Variants in IQCM observed in about 807,000 individuals in gnomAD.
IQCM encodes IQ domain-containing protein M.
A neutral mutation model predicts 57.6 loss-of-function variants in IQCM; 45 were observed. The observed-to-expected ratio is 0.78, with a 90% confidence interval of 0.62 to 1.00. The LOEUF (loss-of-function observed/expected upper bound fraction) is 1.00, where lower values mean the gene tolerates loss of function less well. IQCM is among the 50% of genes least tolerant of loss of function. The probability of loss-of-function intolerance (pLI) is 0.00; values close to 1 mark genes in which losing one functional copy is unlikely to be tolerated. For synonymous variants in IQCM, 148 were observed against 158.9 expected (o/e 0.93, Z 0.51); for missense variants, 468 against 511.6 (o/e 0.91, Z 0.82).
chr4:149,473,597 C>T (rs1739834501), intron 12 of IQCM, among the ~76,000 whole-genome samples: 1 of 152,184 alleles, frequency 6.6e-6, no homozygotes, highest in Non-Finnish European at 1.5e-5. Flanking sequence ...ACTAGAAATA[C>T]CATTTGACCC....
intron 8 of IQCM, among the ~76,000 whole-genome samples, chr4:149,615,018 T>C (rs1431028012): frequency 1.3e-5 from 2 of 152,204 alleles, no homozygotes; most frequent in African/African-American, 2.4e-5. Context: ...TAACTAGAAA[T>C]TACTTATACA....
At chr4:149,609,223 G>C (rs1359503195) in intron 8 of IQCM, among the ~76,000 whole-genome samples, 2 of 151,646 alleles carry the variant, frequency 1.3e-5, no homozygotes, top group African/African-American at 2.4e-5. Flanking sequence ...ACCACAACTA[G>C]TATTGAGATA....
intron 13 of IQCM, among the ~76,000 whole-genome samples, chr4:149,359,185 A>C (rs573131006): frequency 6.6e-6 from 1 of 151,632 alleles, no homozygotes; most frequent in African/African-American, 2.4e-5. Context: ...CAAATAAAAA[A>C]CCTCTCTAGA....
chr4:149,356,248 A>G (rs1181515176), intron 13 of IQCM, among the ~76,000 whole-genome samples: 1 of 152,154 alleles, frequency 6.6e-6, no homozygotes, highest in Non-Finnish European at 1.5e-5. Flanking sequence ...CTTTAGTTTA[A>G]TTAGATCCCA....
rs569427737 is a variant in IQCM, at chr4:149,403,435, T to C, written c.1390+29961A>G. Reference sequence around the variant, plus strand: ...ATCATCATAGTTATGCCATTTACAATGTTTTAGTTTAAAGGATCTTCAATT... The same window carrying C: ...ATCATCATAGTTATGCCATTTACAACGTTTTAGTTTAAAGGATCTTCAATT... On this transcript the variant is annotated intron_variant, in intron 13 of 13. Transcript: ENST00000636793. Among the ~76,000 whole-genome samples, 9 of 152,112 alleles carry C rather than the reference T, an allele frequency of 5.9e-5. No homozygotes were observed. The East Asian group carries it at 1.7e-3, about 30-fold the overall frequency.
chr4:149,636,713 T>G (rs1021298529), intron 7 of IQCM, among the ~76,000 whole-genome samples: 1 of 152,106 alleles, frequency 6.6e-6, no homozygotes, highest in Non-Finnish European at 1.5e-5. Context: ...GAGTTTCTAG[T>G]CGGTTAAATA....
intron 12 of IQCM, among the ~76,000 whole-genome samples, chr4:149,505,125 C>T (rs1473750863): frequency 6.6e-6 from 1 of 152,084 alleles, no homozygotes; most frequent in Admixed American, 6.5e-5. Context: ...TAGTGTTACA[C>T]ATGGCAGCTC....
At chr4:149,450,512 G>GA (rs1221947911) in intron 12 of IQCM, among the ~76,000 whole-genome samples, 1 of 151,382 alleles carries the variant, frequency 6.6e-6, no homozygotes, top group African/African-American at 2.4e-5. Context: ...AACTCTGTAG[G>GA]AAAAAAATCT....
chr4:149,666,404 A>G (rs1428962399), intron 7 of IQCM, among the ~76,000 whole-genome samples: 1 of 152,062 alleles, frequency 6.6e-6, no homozygotes, highest in Non-Finnish European at 1.5e-5. Flanking sequence ...CCCAGATACT[A>G]CGCTTTTCCC....
chr4:149,812,740 T>C (rs1455374010), intron 2 of IQCM, among the ~76,000 whole-genome samples: 1 of 152,182 alleles, frequency 6.6e-6, no homozygotes, highest in Non-Finnish European at 1.5e-5. Flanking sequence ...ATACCAGGTA[T>C]AAAATGCAAA....
At chr4:149,487,294 G>A (rs1168639790) in intron 12 of IQCM, among the ~76,000 whole-genome samples, 1 of 152,082 alleles carries the variant, frequency 6.6e-6, no homozygotes, top group East Asian at 1.9e-4. Flanking sequence ...TGCCTGAGCT[G>A]GTATCCAAGA....
rs60229961 is a variant in IQCM, at chr4:149,731,205, A to G, written c.385+2039T>C. Reference sequence around the variant, plus strand: ...GTATTAAGAGATAGGACCTTTGAGGAAGTGATTAAGTTATGAGGGCTTCAC... The same window carrying G: ...GTATTAAGAGATAGGACCTTTGAGGGAGTGATTAAGTTATGAGGGCTTCAC... On this transcript the variant is annotated intron_variant, in intron 5 of 13. Transcript: ENST00000636793. Among the ~76,000 whole-genome samples, 690 of 152,286 alleles carry G rather than the reference A, an allele frequency of 4.5e-3. 4 individuals carry two copies. The highest frequency in any genetic ancestry group is 0.016 in the African/African-American group (660 of 41,558).
At chr4:149,476,217 G>C (rs899203656) in intron 12 of IQCM, among the ~76,000 whole-genome samples, 94 of 152,156 alleles carry the variant, frequency 6.2e-4, no homozygotes, top group African/African-American at 2.1e-3. Flanking sequence ...GGCAGCAAGA[G>C]AAAGGCAGGG....
intron 8 of IQCM, among the ~76,000 whole-genome samples, chr4:149,606,205 C>G (rs2150043133): frequency 6.6e-6 from 1 of 152,010 alleles, no homozygotes; most frequent in South Asian, 2.1e-4. Flanking sequence ...GGAATACCAG[C>G]ATCACCCCTC....
At chr4:149,359,094 T>C (rs868736832) in intron 13 of IQCM, among the ~76,000 whole-genome samples, 9 of 152,160 alleles carry the variant, frequency 5.9e-5, no homozygotes, top group African/African-American at 2.2e-4. Flanking sequence ...AAGCTGGTCC[T>C]TGGTTTGGTG....
chr4:149,598,230 A>G (rs1753954539), intron 8 of IQCM, among the ~76,000 whole-genome samples: 2 of 152,192 alleles, frequency 1.3e-5, no homozygotes, highest in African/African-American at 4.8e-5. Context: ...ATAAACTTTA[A>G]CAAACAACGA....
intron 13 of IQCM, among the ~76,000 whole-genome samples, chr4:149,361,312 T>C (rs1729466701): frequency 6.6e-6 from 1 of 152,142 alleles, no homozygotes; most frequent in Non-Finnish European, 1.5e-5. Context: ...GAAAACCCCA[T>C]TTTCTGGGGA....
At chr4:149,399,969 C>T (rs903980639) in intron 13 of IQCM, among the ~76,000 whole-genome samples, 8 of 152,070 alleles carry the variant, frequency 5.3e-5, no homozygotes, top group South Asian at 2.1e-4. Flanking sequence ...CATGCACACA[C>T]ATACACACAC....
At chr4:149,699,860 C>T (rs1468358520) in intron 5 of IQCM, among the ~76,000 whole-genome samples, 1 of 151,864 alleles carries the variant, frequency 6.6e-6, no homozygotes, top group South Asian at 2.1e-4. Flanking sequence ...GGTGTGTTTG[C>T]ATTTACAAAG....
Sources: gnomAD v4.1 joint callset for allele counts (sites outside exome capture counted in the v4.1 genomes callset) on GRCh38, gnomAD v4.1.1 for gene constraint, MANE v1.5 for transcripts, NCBI Gene and HGNC (gene_info 2026-07-23, HGNC 2026-07-21) for gene names.